CYRIA: variants seen among roughly 807,000 people sequenced by gnomAD.
CYRIA encodes the protein CYFIP-related Rac1 interactor A.
CYRIA carries 15 observed loss-of-function variants against 43.9 expected under a neutral mutation model. The observed-to-expected ratio is 0.34, with a 90% confidence interval of 0.23 to 0.53. CYRIA has a LOEUF of 0.53. Among genes scored for constraint, CYRIA ranks in the 20% least tolerant of loss-of-function variants. The pLI is 0.94. For synonymous variants in CYRIA, 117 were observed against 136.0 expected, an observed-to-expected ratio of 0.86 and a Z score of 0.97; for missense variants, 236 against 394.2, an observed-to-expected ratio of 0.60 and a Z score of 3.40.
At chr2:16,573,158 C>A (rs1271641431) in intron 3 of CYRIA, among the ~76,000 whole-genome samples, 1 of 152,214 alleles carries the variant, frequency 6.6e-6, no homozygotes, top group African/African-American at 2.4e-5. Flanking sequence ...TGTTCCTCAG[C>A]TTACATTTCA....
chr2:16,628,692 C>T (rs1171117103), intron 1 of CYRIA, among the ~76,000 whole-genome samples: 1 of 152,216 alleles, frequency 6.6e-6, no homozygotes, highest in African/African-American at 2.4e-5. Flanking sequence ...CATGTAAGAA[C>T]ATGCAGTCAC....
At chr2:16,641,966 T>A (rs1288369859) in intron 1 of CYRIA, among the ~76,000 whole-genome samples, 1 of 152,220 alleles carries the variant, frequency 6.6e-6, no homozygotes, top group Admixed American at 6.5e-5. Flanking sequence ...GGTCAGGGTC[T>A]CTTAATTTTC....
intron 1 of CYRIA, among the ~76,000 whole-genome samples, chr2:16,658,980 A>G (rs549494633): frequency 6.6e-6 from 1 of 152,310 alleles, no homozygotes; most frequent in South Asian, 2.1e-4. Flanking sequence ...AAGGCCATAT[A>G]CTGCACTCAG....
At chr2:16,610,488 T>C (rs1054442995) in intron 2 of CYRIA, among the ~76,000 whole-genome samples, 6 of 152,212 alleles carry the variant, frequency 3.9e-5, no homozygotes, top group Non-Finnish European at 8.8e-5. Flanking sequence ...AGCACATGGT[T>C]TGGCATTAGG....
At chr2:16,647,884 T>G (rs1348658602) in intron 1 of CYRIA, among the ~76,000 whole-genome samples, 1 of 152,178 alleles carries the variant, frequency 6.6e-6, no homozygotes, top group Non-Finnish European at 1.5e-5. Context: ...GCCTTTGTGC[T>G]TCCAATGAGC....
At chr2:16,652,292 C>G (rs547488098) in intron 1 of CYRIA, among the ~76,000 whole-genome samples, 36 of 152,296 alleles carry the variant, frequency 2.4e-4, no homozygotes, top group African/African-American at 8.4e-4. Flanking sequence ...CCCACCTGCT[C>G]TAAGTTGCTA....
chr2:16,651,613 T>C (rs1046743294), intron 1 of CYRIA, among the ~76,000 whole-genome samples: 1 of 152,196 alleles, frequency 6.6e-6, no homozygotes, highest in African/African-American at 2.4e-5. Flanking sequence ...TTTCAACTTG[T>C]TTTCAAAGCT....
At chr2:16,649,549 T>C (rs1669912006) in intron 1 of CYRIA, among the ~76,000 whole-genome samples, 1 of 151,554 alleles carries the variant, frequency 6.6e-6, no homozygotes, top group Non-Finnish European at 1.5e-5. Context: ...AGAGGACAGT[T>C]AGTTGTGTAA....
At chr2:16,605,415 C>G (rs1032143686) in intron 2 of CYRIA, among the ~76,000 whole-genome samples, 5 of 152,232 alleles carry the variant, frequency 3.3e-5, no homozygotes, top group African/African-American at 1.2e-4. Flanking sequence ...TGGGAAGTCA[C>G]TAGTGAATCT....
rs142573426 is a variant in CYRIA at position 16,627,324 on chromosome 2, T to C, written c.-166-3305A>G. Among the ~76,000 whole-genome samples, 369 of 152,294 alleles carry C rather than the reference T, an allele frequency of 2.4e-3. 1 individual carries two copies. Among genetic ancestry groups the C allele is most frequent in the Non-Finnish European group, 4.3e-3 (293 of 68,024 alleles). ...GGTGGGGCATGCTTGTGCCCACAGT[T>C]CACCAGCAGCAGAGCTTAGACTGAG... On this transcript the variant is annotated intron_variant, in intron 1 of 11. Coordinates refer to ENST00000381323, the MANE Select transcript of CYRIA (RefSeq NM_030797.4).
At chr2:16,644,486 C>T (rs942154516) in intron 1 of CYRIA, among the ~76,000 whole-genome samples, 1 of 152,184 alleles carries the variant, frequency 6.6e-6, no homozygotes, top group African/African-American at 2.4e-5. Context: ...CCATGTCCAC[C>T]CATGAGCAGG....
rs754466944 is a variant in CYRIA at position 16,635,588 on chromosome 2, A to G, written c.-166-11569T>C. On this transcript the variant is annotated intron_variant, in intron 1 of 11. Coordinates refer to ENST00000381323, the MANE Select transcript of CYRIA (RefSeq NM_030797.4). ...AGTGTGTGTGCATCCCCCCACAGTG[A>G]CACCAGGCAGAAGAATCTGACAAGT... Among the ~76,000 whole-genome samples the G allele has an allele frequency of 1.1e-3, 174 of 152,160 alleles. 1 individual carries two copies. Among genetic ancestry groups the G allele is most frequent in the Non-Finnish European group, 1.2e-3 (83 of 68,028 alleles).
intron 4 of CYRIA, among the ~76,000 whole-genome samples, 159 bp from the exon 5 acceptor site, chr2:16,564,253 A>G (rs1296192040): frequency 6.6e-6 from 1 of 152,188 alleles, no homozygotes; most frequent in Admixed American, 6.5e-5. Context: ...AACATGCTCA[A>G]TATGAATGGA....
intron 1 of CYRIA, among the ~76,000 whole-genome samples, chr2:16,633,265 C>T (rs1007584862): frequency 4.6e-5 from 7 of 152,178 alleles, no homozygotes; most frequent in African/African-American, 1.7e-4. Context: ...AGGCCAGCAG[C>T]AGAGTTTTAC....
At chr2:16,627,842 G>A (rs1480197946) in intron 1 of CYRIA, among the ~76,000 whole-genome samples, 1 of 152,200 alleles carries the variant, frequency 6.6e-6, no homozygotes, top group Admixed American at 6.5e-5. Context: ...ACCAGTAAAT[G>A]ACATCCTGGT....
At chr2:16,588,793 A>C (rs1040107716) in intron 2 of CYRIA, among the ~76,000 whole-genome samples, 2 of 152,136 alleles carry the variant, frequency 1.3e-5, no homozygotes, top group Non-Finnish European at 1.5e-5. Flanking sequence ...GGATCTTGTG[A>C]TCTGACATTC....
chr2:16,648,282 A>T (rs1352843532), intron 1 of CYRIA, among the ~76,000 whole-genome samples: 1 of 150,986 alleles, frequency 6.6e-6, no homozygotes, highest in Non-Finnish European at 1.5e-5. Context: ...TTAAGAGGCT[A>T]CCATTGCTCC....
chr2:16,628,933 G>A (rs1351415556), intron 1 of CYRIA, among the ~76,000 whole-genome samples: 1 of 152,186 alleles, frequency 6.6e-6, no homozygotes. Flanking sequence ...GGTTTGAGAA[G>A]GCAGGGTGTC....
At chr2:16,584,989 T>A (rs1485816936) in intron 3 of CYRIA, among the ~76,000 whole-genome samples, 1 of 152,160 alleles carries the variant, frequency 6.6e-6, no homozygotes, top group Admixed American at 6.5e-5. Context: ...GAGTGACTAT[T>A]GTCCTTCACT....
Sources: allele counts gnomAD v4.1 joint callset (sites outside exome capture counted in the v4.1 genomes callset), GRCh38; gene constraint gnomAD v4.1.1; transcripts MANE v1.5; gene names NCBI Gene and HGNC (gene_info 2026-07-23, HGNC 2026-07-21).